Variants in ACAD11 observed in about 807,000 individuals in gnomAD.
The protein encoded by ACAD11 is acyl-CoA dehydrogenase family member 11.
Under a neutral mutation model 102.2 loss-of-function variants are expected in ACAD11, and 83 were observed. That is an observed-to-expected ratio of 0.81 (90% CI 0.68 to 0.97). The LOEUF (loss-of-function observed/expected upper bound fraction) is 0.97. Among genes scored for constraint, ACAD11 ranks in the 50% least tolerant of loss-of-function variants. The pLI, the probability that ACAD11 is intolerant of heterozygous loss-of-function variation, is 0.00. For missense variants in ACAD11, 901 were observed against 951.7 expected, an observed-to-expected ratio of 0.95 and a Z score of 0.70; for synonymous variants, 324 against 319.8, an observed-to-expected ratio of 1.01 and a Z score of -0.14.
intron 4 of ACAD11, among the ~76,000 whole-genome samples, chr3:132,640,009 C>A (rs1357027333): frequency 1.3e-5 from 2 of 151,796 alleles, no homozygotes; most frequent in Admixed American, 1.3e-4. Flanking sequence ...CACACACACA[C>A]ACACACACAC....
intron 9 of ACAD11, 26 bp downstream of exon 9, chr3:132,626,665 A>C: frequency 6.2e-7 from 1 of 1,610,464 alleles, no homozygotes; most frequent in Non-Finnish European, 8.5e-7. Context: ...TTTAGCAGAA[A>C]TACATTCTGC....
chr3:132,648,873 T>C (rs9637394), intron 1 of ACAD11: 14,036 of 152,328 alleles, frequency 0.092, 810 homozygotes, highest in Middle Eastern at 0.14. Context: ...TTTTGACCTG[T>C]ACCCTGAACA....
At chr3:132,582,250 A>G (rs1937612000) in intron 13 of ACAD11, among the ~76,000 whole-genome samples, 2 of 152,052 alleles carry the variant, frequency 1.3e-5, no homozygotes, top group South Asian at 4.1e-4. Flanking sequence ...GAGCCAATGG[A>G]TACTGTCTAA....
chr3:132,646,523 G>T (rs1940724359), intron 1 of ACAD11: 1 of 152,156 alleles, frequency 6.6e-6, no homozygotes, highest in South Asian at 2.1e-4. Context: ...TGACCCAAAT[G>T]AAATACAAAG....
chr3:132,600,802 A>G (rs1938547295), intron 13 of ACAD11: 1 of 1,613,920 alleles, frequency 6.2e-7, no homozygotes, highest in African/African-American at 1.3e-5. Flanking sequence ...GTATCAGCAT[A>G]GACAGATATG....
At chr3:132,582,161 T>C (rs998900024) in intron 13 of ACAD11, among the ~76,000 whole-genome samples, 19 of 151,902 alleles carry the variant, frequency 1.3e-4, no homozygotes, top group African/African-American at 4.6e-4. Flanking sequence ...CAAAAAACAA[T>C]GTAATAAGAT....
At chr3:132,634,844 G>A (rs1156689721) in intron 5 of ACAD11, among the ~76,000 whole-genome samples, 1 of 133,334 alleles carries the variant, frequency 7.5e-6, no homozygotes, top group Non-Finnish European at 1.5e-5. Context: ...TCATAGGTGG[G>A]AATTGAACAA....
rs1368055573 is a variant in ACAD11, at chr3:132,599,964, A to C, written c.1621+3265T>G. 2.6e-5 allele frequency among the ~76,000 whole-genome samples: 4 copies of C among 152,164 alleles called. No homozygotes were observed. The East Asian group carries it at 7.7e-4, about 29-fold the overall frequency. Reference sequence around the variant, plus strand: ...TAATTTGCTATTTTCGTTTTTATTCAATTTGTTGTAGATATACTTTTACGA... The same window carrying C: ...TAATTTGCTATTTTCGTTTTTATTCCATTTGTTGTAGATATACTTTTACGA... On this transcript the variant is annotated intron_variant, in intron 13 of 19. Coordinates refer to ENST00000264990, the MANE Select transcript of ACAD11 (RefSeq NM_032169.5).
intron 17 of ACAD11, among the ~76,000 whole-genome samples, chr3:132,561,888 C>G (rs561167179): frequency 6.6e-6 from 1 of 152,288 alleles, no homozygotes; most frequent in East Asian, 1.9e-4. Context: ...ATAGTTTTGC[C>G]TTTTCCAGAA....
intron 13 of ACAD11, among the ~76,000 whole-genome samples, chr3:132,602,471 T>C (rs2107824058): frequency 6.6e-6 from 1 of 152,330 alleles, no homozygotes; most frequent in Admixed American, 6.5e-5. Flanking sequence ...TAAAATGTCC[T>C]ATTTTCATTT....
At chr3:132,639,409 T>G in intron 5 of ACAD11, 83 bp downstream of exon 5, 2 of 1,368,424 alleles carry the variant, frequency 1.5e-6, no homozygotes, top group Non-Finnish European at 2.0e-6. Context: ...TTGGGCTCCC[T>G]CAGTGCTCTG....
At chr3:132,584,614 GGTTATTTT>G (rs1937720126) in intron 13 of ACAD11, among the ~76,000 whole-genome samples, 1 of 152,138 alleles carries the variant, frequency 6.6e-6, no homozygotes, top group Non-Finnish European at 1.5e-5. Flanking sequence ...GATGTTAGCT[GGTTATTTT>G]GCTCATTGGT....
chr3:132,641,602 A>G lies in ACAD11; in HGVS notation c.537+370T>C, dbSNP rs539144207. On this transcript the variant is annotated intron_variant, in intron 4 of 19. Transcript: ENST00000264990. ...AAGAAGAAGAAGAAGAAGAAGAAGA[A>G]GAGGAGGAAGAAGAGGAGGAAGAAG... Among the ~76,000 whole-genome samples, 646 of 132,368 alleles carry G rather than the reference A, an allele frequency of 4.9e-3. 2 individuals are homozygous for G. Among genetic ancestry groups the G allele is most frequent in the Admixed American group, 9.2e-3 (125 of 13,640 alleles). 86.8% of individuals were successfully genotyped at this position (132,368 alleles called of 152,430 possible). A position where few individuals can be genotyped will look rare whatever the true frequency, so the allele number is the denominator to read the frequency against.
At chr3:132,581,001 C>G (rs568220595) in intron 13 of ACAD11, among the ~76,000 whole-genome samples, 1 of 151,920 alleles carries the variant, frequency 6.6e-6, no homozygotes, top group South Asian at 2.1e-4. Context: ...AAGAAATGAG[C>G]AGAAGAACAT....
chr3:132,593,847 A>G (rs901161224), intron 13 of ACAD11, among the ~76,000 whole-genome samples: 3 of 152,178 alleles, frequency 2.0e-5, no homozygotes, highest in African/African-American at 7.2e-5. Flanking sequence ...AAGCAGCAAA[A>G]TGGAATCATA....
chr3:132,561,098 C>T lies in ACAD11; in HGVS notation c.2118+3G>A. On this transcript the variant is annotated splice_donor_region_variant and intron_variant, in intron 18 of 19. Transcript: ENST00000264990. ...GTGGTCTGAGGGGAGAAGGTAGCCT[C>T]ACCTCTTTCTTAGCGCCAGCACTGC... 1 of 1,610,338 alleles carries T rather than the reference C, an allele frequency of 6.2e-7. No homozygotes were observed. Among genetic ancestry groups the T allele is most frequent in the Non-Finnish European group, 8.5e-7 (1 of 1,177,072 alleles).
chr3:132,608,530 A>T (rs1014919414), intron 11 of ACAD11, among the ~76,000 whole-genome samples: 2 of 151,934 alleles, frequency 1.3e-5, no homozygotes, highest in Non-Finnish European at 2.9e-5. Flanking sequence ...CAACAAAGAT[A>T]AAAAAAAGAC....
At chr3:132,579,417 T>A (rs1366694693) in intron 14 of ACAD11, 75 bp downstream of exon 14, 1 of 1,211,176 alleles carries the variant, frequency 8.3e-7, no homozygotes, top group Non-Finnish European at 1.2e-6. Context: ...ACAGTGAATT[T>A]TAAGTAAATT....
intron 14 of ACAD11, chr3:132,579,193 C>G: frequency 1.3e-6 from 1 of 790,662 alleles, no homozygotes; most frequent in Non-Finnish European, 1.8e-6. Flanking sequence ...CATCTAATCA[C>G]TTCATTACAC....
Sources: gnomAD v4.1 joint callset for allele counts (sites outside exome capture counted in the v4.1 genomes callset) on GRCh38, gnomAD v4.1.1 for gene constraint, MANE v1.5 for transcripts, NCBI Gene and HGNC (gene_info 2026-07-23, HGNC 2026-07-21) for gene names.